KLF13: variants seen among roughly 807,000 people sequenced by gnomAD.
KLF13 encodes KLF transcription factor 13.
Under a neutral mutation model 16.7 loss-of-function variants are expected in KLF13, and 8 were observed. That is an observed-to-expected ratio of 0.48 (90% confidence interval 0.28 to 0.87). The LOEUF (loss-of-function observed/expected upper bound fraction) is 0.87, where lower values mean the gene tolerates loss of function less well. Among genes scored for constraint, KLF13 ranks in the 40% least tolerant of loss-of-function variants. The pLI, the probability that KLF13 is intolerant of heterozygous loss-of-function variation, is 0.10. For synonymous variants in KLF13, 245 were observed against 208.4 expected, an observed-to-expected ratio of 1.18 and a Z score of -1.51; for missense variants, 447 against 452.2, an observed-to-expected ratio of 0.99 and a Z score of 0.10.
intron 1 of KLF13, among the ~76,000 whole-genome samples, chr15:31,356,442 C>G (rs1422866830): frequency 2.0e-5 from 3 of 152,232 alleles, no homozygotes; most frequent in Admixed American, 2.0e-4. Context: ...ATCCCAGCTA[C>G]TCAGGAGACT....
intron 1 of KLF13, among the ~76,000 whole-genome samples, chr15:31,370,425 C>CTTTTT (rs58293460): frequency 4.8e-5 from 7 of 145,146 alleles, no homozygotes; most frequent in African/African-American, 1.5e-4. Context: ...GTTGTTTTTG[C>CTTTTT]TTTTTTTTTT....
chr15:31,381,509 A>G (rs879573680), downstream of KLF13, among the ~76,000 whole-genome samples: 2 of 152,158 alleles, frequency 1.3e-5, no homozygotes, highest in Non-Finnish European at 2.9e-5. Flanking sequence ...GTGGCTGCAC[A>G]TCAGGCTGCC....
chr15:31,367,402 T>C (rs2039491108), intron 1 of KLF13, among the ~76,000 whole-genome samples: 1 of 152,180 alleles, frequency 6.6e-6, no homozygotes. Context: ...ATAAAGCTCC[T>C]GATATATAGG....
At position 31,372,479 on chromosome 15, in the gene KLF13, A is replaced by C; in HGVS notation, c.*180A>C. 1 of 674,800 alleles carries C rather than the reference A, an allele frequency of 1.5e-6. No homozygotes were observed. Among genetic ancestry groups the C allele is most frequent in the Non-Finnish European group, 2.3e-6 (1 of 429,972 alleles). 41.8% of individuals were successfully genotyped at this position (674,800 alleles called of 1,614,324 possible). ...AAAAAACACAAAAATTTCAAAAAACACCACCCACCAAATTGCACAATAGAT... is the reference window on the plus strand; with the variant it reads ...AAAAAACACAAAAATTTCAAAAAACCCCACCCACCAAATTGCACAATAGAT... On this transcript the variant is annotated 3_prime_UTR_variant, in exon 2 of 2. Transcript: ENST00000307145.
At position 31,372,342 on chromosome 15, in the gene KLF13, TC is replaced by T; in HGVS notation, c.*46del. ...GCAGCCGCTCCCACCCCCTCGTGAG[TC>T]CCTGGCCTTTCCTTTTGTAATAAGA... On this transcript the variant is annotated 3_prime_UTR_variant, in exon 2 of 2. Coordinates refer to ENST00000307145, the MANE Select transcript of KLF13 (RefSeq NM_015995.4). 1 of 1,407,238 alleles carries T rather than the reference TC, an allele frequency of 7.1e-7. No homozygotes were observed. Among genetic ancestry groups the T allele is most frequent in the Non-Finnish European group, 9.2e-7 (1 of 1,083,578 alleles). 87.2% of individuals were successfully genotyped at this position (1,407,238 alleles called of 1,614,324 possible).
chr15:31,362,488 G>A (rs2039405173), intron 1 of KLF13, among the ~76,000 whole-genome samples: 1 of 152,218 alleles, frequency 6.6e-6, no homozygotes, highest in Admixed American at 6.5e-5. Flanking sequence ...GTAATATGAG[G>A]AACTGTGCTT....
At chr15:31,361,666 C>T (rs1450834632) in intron 1 of KLF13, among the ~76,000 whole-genome samples, 1 of 152,106 alleles carries the variant, frequency 6.6e-6, no homozygotes, top group Non-Finnish European at 1.5e-5. Context: ...GGGCCCCTCC[C>T]TCAGTTGCCT....
chr15:31,332,264 A>G (rs78321580), intron 1 of KLF13, among the ~76,000 whole-genome samples: 1 of 152,274 alleles, frequency 6.6e-6, no homozygotes, highest in African/African-American at 2.4e-5. Flanking sequence ...TGAGGGAGAG[A>G]CCTATTGTGT....
chr15:31,405,187 G>A (rs1235966375), downstream of KLF13, among the ~76,000 whole-genome samples: 5 of 152,148 alleles, frequency 3.3e-5, no homozygotes, highest in African/African-American at 7.2e-5. Flanking sequence ...AGTGGTGTGC[G>A]CCTGTAATTC....
At chr15:31,363,695 A>G (rs1595473944) in intron 1 of KLF13, among the ~76,000 whole-genome samples, 1 of 152,182 alleles carries the variant, frequency 6.6e-6, no homozygotes, top group Admixed American at 6.5e-5. Context: ...CATGTTGGCC[A>G]GGTTGGTCTT....
At chr15:31,385,932 A>G (rs1431787042) in intron 1 of KLF13, among the ~76,000 whole-genome samples, 1 of 152,260 alleles carries the variant, frequency 6.6e-6, no homozygotes, top group Non-Finnish European at 1.5e-5. Flanking sequence ...CCACATTGTG[A>G]ATGCAAAGGA....
chr15:31,342,049 C>A (rs1382189900), intron 1 of KLF13, among the ~76,000 whole-genome samples: 1 of 152,216 alleles, frequency 6.6e-6, no homozygotes, highest in African/African-American at 2.4e-5. Flanking sequence ...TACCAACAGG[C>A]TGTACCTGGC....
chr15:31,355,832 G>GC (rs1450319332), intron 1 of KLF13, among the ~76,000 whole-genome samples: 1 of 151,538 alleles, frequency 6.6e-6, no homozygotes, highest in African/African-American at 2.4e-5. Flanking sequence ...CACACCCCCA[G>GC]CCCCCCATTT....
intron 2 of KLF13, among the ~76,000 whole-genome samples, chr15:31,400,209 C>T (rs2040014844): frequency 6.6e-6 from 1 of 152,220 alleles, no homozygotes; most frequent in Admixed American, 6.5e-5. Context: ...AATCCATTTT[C>T]TGCAGGGAAT....
chr15:31,435,284 G>A (rs1038335088), intron 1 of KLF13: 1 of 152,260 alleles, frequency 6.6e-6, no homozygotes, highest in South Asian at 2.1e-4. Context: ...CTAGGAGAAG[G>A]GTCTCGCTAG....
At chr15:31,378,746 C>G (rs1029980882), downstream of KLF13, among the ~76,000 whole-genome samples, 2 of 152,178 alleles carry the variant, frequency 1.3e-5, no homozygotes, top group African/African-American at 2.4e-5. Context: ...TGTAGCCCCA[C>G]TCGTTGCTGT....
chr15:31,370,953 T>C (rs2039547023), intron 1 of KLF13, among the ~76,000 whole-genome samples: 1 of 151,976 alleles, frequency 6.6e-6, no homozygotes, highest in Non-Finnish European at 1.5e-5. Context: ...GTGTTTAAGG[T>C]GGGTGGGTGA....
intron 2 of KLF13, among the ~76,000 whole-genome samples, chr15:31,402,508 G>A (rs2040051878): frequency 6.6e-6 from 1 of 152,234 alleles, no homozygotes; most frequent in South Asian, 2.1e-4. Context: ...GCTCAATGTG[G>A]AGAAGACACT....
intron 1 of KLF13, among the ~76,000 whole-genome samples, chr15:31,328,486 C>A (rs1389305052): frequency 6.6e-6 from 1 of 152,020 alleles, no homozygotes; most frequent in Non-Finnish European, 1.5e-5. Context: ...GGCGGGGGCG[C>A]GCCCGGCCCT....
Sources: allele counts gnomAD v4.1 joint callset (sites outside exome capture counted in the v4.1 genomes callset), GRCh38; gene constraint gnomAD v4.1.1; transcripts MANE v1.5; gene names NCBI Gene and HGNC (gene_info 2026-07-23, HGNC 2026-07-21).